KCNC4: variants seen among roughly 807,000 people sequenced by gnomAD.
KCNC4 encodes the protein potassium voltage-gated channel subfamily C member 4, also known as voltage-gated potassium channel KCNC4.
A neutral mutation model predicts 42.8 loss-of-function variants in KCNC4; 23 were observed. The observed-to-expected ratio is 0.54, with a 90% CI of 0.39 to 0.76. The LOEUF is 0.76. Among genes scored for constraint, KCNC4 ranks in the 30% least tolerant of loss-of-function variants. KCNC4 has a pLI of 0.00. For missense variants in KCNC4, 751 were observed against 898.2 expected (o/e 0.84, Z 2.10); for synonymous variants, 422 against 393.5 (o/e 1.07, Z -0.86).
chr1:110,218,586 G>C (rs1013013732), intron 1 of KCNC4, among the ~76,000 whole-genome samples: 1 of 84,094 alleles, frequency 1.2e-5, no homozygotes, highest in Admixed American at 9.8e-5. Context: ...AGAATGTAAG[G>C]TCCCGGGGCA....
intron 1 of KCNC4, among the ~76,000 whole-genome samples, chr1:110,266,319 CTGAG>C (rs1309407862): frequency 6.6e-6 from 1 of 152,144 alleles, no homozygotes; most frequent in Non-Finnish European, 1.5e-5. Flanking sequence ...CCCTGGAGGG[CTGAG>C]TGAGGAGGGG....
intron 3 of KCNC4, among the ~76,000 whole-genome samples, chr1:110,229,635 A>C (rs917729202): frequency 2.1e-4 from 32 of 152,088 alleles, no homozygotes; most frequent in Admixed American, 5.2e-4. Context: ...TAATTTCTAT[A>C]ATTAAGTGTA....
At chr1:110,265,143 A>C (rs530449584) in intron 1 of KCNC4, among the ~76,000 whole-genome samples, 1 of 151,634 alleles carries the variant, frequency 6.6e-6, no homozygotes, top group Non-Finnish European at 1.5e-5. Flanking sequence ...AACCACTTGC[A>C]ATCAAAACAG....
intron 3 of KCNC4, 149 bp from the exon 4 acceptor site, chr1:110,232,762 C>T: frequency 6.5e-7 from 1 of 1,536,502 alleles, no homozygotes; most frequent in Middle Eastern, 2.2e-4. Context: ...AGCCCACACC[C>T]TGTGGGTCAG....
At chr1:110,257,987 A>T (rs943877728) in intron 1 of KCNC4, among the ~76,000 whole-genome samples, 3 of 152,204 alleles carry the variant, frequency 2.0e-5, no homozygotes, top group Non-Finnish European at 2.9e-5. Flanking sequence ...TCTTTCTGCA[A>T]TCCCATCCAA....
intron 3 of KCNC4, 196 bp from the exon 4 acceptor site, chr1:110,232,715 C>A: frequency 6.6e-7 from 1 of 1,505,210 alleles, no homozygotes; most frequent in Non-Finnish European, 8.8e-7. Flanking sequence ...GCCCTGGGTT[C>A]CTCATGCCTT....
chr1:110,283,487 T>C (rs185790241), downstream of KCNC4, among the ~76,000 whole-genome samples: 282 of 152,310 alleles, frequency 1.9e-3, no homozygotes, highest in Non-Finnish European at 3.7e-3. Context: ...TGATTAACGA[T>C]GTCTGGTCCA....
At chr1:110,236,709 G>A (rs1658915761), downstream of KCNC4, 1 of 152,148 alleles carries the variant, frequency 6.6e-6, no homozygotes, top group South Asian at 2.1e-4. Flanking sequence ...ACGCACAGAA[G>A]TGGGTAAGTG....
intron 1 of KCNC4, among the ~76,000 whole-genome samples, chr1:110,216,959 C>T (rs890914737): frequency 2.0e-5 from 3 of 152,180 alleles, no homozygotes; most frequent in African/African-American, 7.2e-5. Flanking sequence ...GAGCTGATGA[C>T]CTCTTCTTCT....
At chr1:110,238,202 C>T (rs1658951501), downstream of KCNC4, 1 of 152,216 alleles carries the variant, frequency 6.6e-6, no homozygotes, top group Admixed American at 6.5e-5. Flanking sequence ...TTCTCCACTC[C>T]CCGCTCTTAC....
At chr1:110,249,455 C>T (rs1254940928), downstream of KCNC4, among the ~76,000 whole-genome samples, 1 of 152,194 alleles carries the variant, frequency 6.6e-6, no homozygotes, top group Non-Finnish European at 1.5e-5. Context: ...ATACAGCAGA[C>T]ACTCAGTGAA....
chr1:110,261,097 T>A (rs892128316), intron 1 of KCNC4, among the ~76,000 whole-genome samples: 2 of 152,226 alleles, frequency 1.3e-5, no homozygotes, highest in Admixed American at 6.5e-5. Flanking sequence ...ATCTAGACCA[T>A]GAAGAAAAAC....
intron 1 of KCNC4, among the ~76,000 whole-genome samples, chr1:110,279,432 C>G (rs902251701): frequency 4.6e-5 from 7 of 152,194 alleles, no homozygotes; most frequent in Non-Finnish European, 8.8e-5. Context: ...CCAGTATACA[C>G]AGGAGAGACC....
intron 3 of KCNC4, chr1:110,232,126 G>C: frequency 8.2e-7 from 1 of 1,217,288 alleles, no homozygotes; most frequent in Non-Finnish European, 1.2e-6. Flanking sequence ...CCAGGTGGTA[G>C]ACATCCCAGG....
chr1:110,229,717 C>T (rs1359134310), intron 3 of KCNC4, among the ~76,000 whole-genome samples: 5 of 152,172 alleles, frequency 3.3e-5, no homozygotes, highest in Non-Finnish European at 7.3e-5. Context: ...ACACCTTGCG[C>T]AGGGGCAGCT....
chr1:110,211,284 G>A lies in KCNC4; in HGVS notation c.-216G>A. The A allele has an allele frequency of 1.5e-6, 1 of 656,902 alleles. No homozygotes were observed. The highest frequency in any genetic ancestry group is 2.5e-6 in the Non-Finnish European group (1 of 395,770). 40.7% of individuals were successfully genotyped at this position (656,902 alleles called of 1,614,324 possible). On this transcript the variant is annotated 5_prime_UTR_variant, in exon 1 of 4. Coordinates refer to ENST00000438661, the MANE Select transcript of KCNC4 (RefSeq NM_001039574.3). This position sits in a 1 kb window ranked among gnomAD's most constrained non-coding sequence, Gnocchi z 6.5. ...CGCCTCCCTCTCTCCGGAGCTTCCT[G>A]CCCTAACCCCAACCACCTGTGTACC... is the stretch of plus-strand genomic sequence containing the variant.
In KCNC4 at chr1:110,243,038, G is replaced by GGAAAC. The variant is rs1339312086; in HGVS notation, c.*10730_*10734dup. 2.0e-5 allele frequency: 3 copies of GGAAAC among 152,364 alleles called. No homozygotes were observed. The East Asian group carries it at 5.8e-4, about 29-fold the overall frequency. 9.4% of individuals were successfully genotyped at this position (152,364 alleles called of 1,614,324 possible). A position where few individuals can be genotyped will look rare whatever the true frequency, so the allele number is the denominator to read the frequency against. On this transcript the variant is annotated 3_prime_UTR_variant, in exon 4 of 4. Coordinates refer to the KCNC4 transcript ENST00000369787. ...AGCATGGTCTGTGAAATGGAGAGAAGGAAACATCTCCAGATTTTGCCCAGA... is the reference window on the plus strand; with the variant it reads ...AGCATGGTCTGTGAAATGGAGAGAAGGAAACGAAACATCTCCAGATTTTGCCCAGA...
intron 3 of KCNC4, chr1:110,226,398 C>T (rs1658398679): frequency 1.7e-6 from 1 of 588,872 alleles, no homozygotes; most frequent in Admixed American, 2.8e-5. Context: ...CATCCAGCTG[C>T]CCATGGGAAA....
chr1:110,271,795 C>A (rs1438128786), intron 1 of KCNC4, among the ~76,000 whole-genome samples: 2 of 152,116 alleles, frequency 1.3e-5, no homozygotes. Context: ...AGGAGACTGT[C>A]CCCATCGCAT....
Sources: gnomAD v4.1 joint callset for allele counts (sites outside exome capture counted in the v4.1 genomes callset) on GRCh38, gnomAD v4.1.1 for gene constraint, Gnocchi (gnomAD v3.1) non-coding constraint, MANE v1.5 for transcripts, NCBI Gene and HGNC (gene_info 2026-07-23, HGNC 2026-07-21) for gene names.